Variants in FHIP2A observed in about 807,000 individuals in gnomAD.
FHIP2A encodes the protein FHF complex subunit HOOK interacting protein 2A, also known as family with sequence similarity 160 member B1.
Under a neutral mutation model 93.5 loss-of-function variants are expected in FHIP2A, and 46 were observed. The observed-to-expected ratio is 0.49, with a 90% confidence interval of 0.39 to 0.63. The LOEUF (loss-of-function observed/expected upper bound fraction) is 0.63, where lower values mean the gene tolerates loss of function less well. FHIP2A is among the 20% of genes least tolerant of loss of function. FHIP2A has a pLI of 0.00. For synonymous variants in FHIP2A, 332 were observed against 326.5 expected (o/e 1.02, Z -0.18); for missense variants, 769 against 909.7 (o/e 0.85, Z 1.99).
At position 114,883,673 on chromosome 10, in the gene FHIP2A, C is replaced by T. The variant is rs188421378; in HGVS notation, c.2193-15817C>T. 5.5e-3 allele frequency among the ~76,000 whole-genome samples: 845 copies of T among 152,264 alleles called. 3 individuals carry two copies. Among genetic ancestry groups the T allele is most frequent in the Non-Finnish European group, 9.2e-3 (627 of 68,018 alleles). On this transcript the variant is annotated intron_variant, in intron 16 of 16. Coordinates refer to the FHIP2A transcript ENST00000369250. The stretch of plus-strand genomic sequence containing the variant: ...CTCAGCTCACTGCAACCTCCGCCTC[C>T]CAGGTTCAAACGATTCTCTTGTCTC...
intron 16 of FHIP2A, among the ~76,000 whole-genome samples, chr10:114,884,764 A>T (rs1255242279): frequency 6.6e-6 from 1 of 151,580 alleles, no homozygotes; most frequent in Non-Finnish European, 1.5e-5. Flanking sequence ...AATACAAAAA[A>T]TTAGCTAGGT....
intron 5 of FHIP2A, among the ~76,000 whole-genome samples, chr10:114,840,620 G>A (rs993937970): frequency 6.6e-6 from 1 of 152,206 alleles, no homozygotes; most frequent in Admixed American, 6.5e-5. Context: ...GAAGCAGTGG[G>A]TTGGAATGAA....
chr10:114,873,465 A>G (rs1379881250), intron 16 of FHIP2A, among the ~76,000 whole-genome samples: 4 of 152,096 alleles, frequency 2.6e-5, no homozygotes, highest in African/African-American at 9.7e-5. Context: ...CCATTTCCAT[A>G]CTGTATTCTC....
Position 114,899,489 on chromosome 10 carries a change from G to A in FHIP2A, c.2193-1G>A, listed in dbSNP as rs1020118891. The A allele has an allele frequency of 4.2e-6, 3 of 718,490 alleles. No individual in the cohort carries two copies. The highest frequency in any genetic ancestry group is 5.2e-6 in the Non-Finnish European group (2 of 385,080). 44.5% of individuals were successfully genotyped at this position (718,490 alleles called of 1,614,324 possible). ...CCTGATCTTCTTTCTTTTATCCTCA[G>A]GCAGACGTTGCCTTCATGGTGGTAA... is the stretch of plus-strand genomic sequence containing the variant. On this transcript the variant is annotated splice_acceptor_variant, in intron 16 of 16. Coordinates refer to the FHIP2A transcript ENST00000369250. LOFTEE classifies it high-confidence loss of function.
chr10:114,894,520 G>A (rs1485058707), intron 16 of FHIP2A, among the ~76,000 whole-genome samples: 1 of 152,178 alleles, frequency 6.6e-6, no homozygotes, highest in African/African-American at 2.4e-5. Context: ...AGTGAGCGGT[G>A]ATTGTGCCAC....
At chr10:114,845,562 C>A in intron 8 of FHIP2A, 81 bp downstream of exon 8, 1 of 798,264 alleles carries the variant, frequency 1.3e-6, no homozygotes, top group Non-Finnish European at 2.0e-6. Flanking sequence ...AATTTATATC[C>A]CAAATACATT....
intron 14 of FHIP2A, among the ~76,000 whole-genome samples, chr10:114,857,672 A>G (rs907398241): frequency 9.9e-5 from 15 of 152,086 alleles, no homozygotes; most frequent in Non-Finnish European, 1.8e-4. Flanking sequence ...TTCTTAGTAT[A>G]GATTCCTAAT....
rs1466323051 is a variant in FHIP2A, at chr10:114,860,833, G to A, written c.2032G>A (p.Asp678Asn). The A allele has an allele frequency of 6.2e-7, 1 of 1,613,098 alleles. No homozygotes were observed. The highest frequency in any genetic ancestry group is 1.1e-5 in the South Asian group (1 of 91,046). Residue 678 changes from aspartate (D) to asparagine (N), a missense_variant, in exon 15 of 17, where the codon GAT (aspartate) becomes AAT (asparagine). Physicochemically the swap from Asp to Asn is conservative, Grantham distance 23 (BLOSUM62 1). Transcript: ENST00000369248. ...TCCACACATCCACGAGTACCTTTTGGATCCTTACGTGAACCTCGCTCCTGG... is the reference window on the plus strand; with the variant it reads ...TCCACACATCCACGAGTACCTTTTGAATCCTTACGTGAACCTCGCTCCTGG... Reference protein sequence around the residue: ...PHPHIHEYLLDPYVNLAPGCR... With the variant: ...PHPHIHEYLLNPYVNLAPGCR...
chr10:114,828,372 T>C (rs1267674285), intron 1 of FHIP2A, among the ~76,000 whole-genome samples: 2 of 152,174 alleles, frequency 1.3e-5, no homozygotes, highest in Non-Finnish European at 2.9e-5. Flanking sequence ...ATCCCACTCC[T>C]GAAATAATCT....
chr10:114,875,907 A>G (rs545726494), intron 16 of FHIP2A, among the ~76,000 whole-genome samples: 1 of 101,362 alleles, frequency 9.9e-6, no homozygotes, highest in African/African-American at 3.1e-5. Context: ...AGAAATAAAG[A>G]AAGAGAAAGA....
chr10:114,881,719 A>G (rs937895233), intron 16 of FHIP2A, among the ~76,000 whole-genome samples: 10 of 121,994 alleles, frequency 8.2e-5, no homozygotes, highest in Non-Finnish European at 1.8e-4. Context: ...GAGCCTCAGC[A>G]GGGAGATCTA....
At chr10:114,871,175 G>A (rs144618574) in intron 16 of FHIP2A, among the ~76,000 whole-genome samples, 3,046 of 150,604 alleles carry the variant, frequency 0.02, 50 homozygotes, top group Middle Eastern at 0.049. Context: ...TTTAAACTGC[G>A]TCTCTGTTGC....
intron 16 of FHIP2A, among the ~76,000 whole-genome samples, chr10:114,884,610 C>A (rs1329821593): frequency 6.6e-6 from 1 of 152,126 alleles, no homozygotes; most frequent in African/African-American, 2.4e-5. Flanking sequence ...GATTAACTAC[C>A]TGTATTAAAT....
chr10:114,887,249 A>G (rs937713766), intron 16 of FHIP2A, among the ~76,000 whole-genome samples: 1 of 152,218 alleles, frequency 6.6e-6, no homozygotes, highest in Non-Finnish European at 1.5e-5. Context: ...CTTTTCTAAC[A>G]GTAGACAAGC....
At chr10:114,828,356 A>G (rs1021426066) in intron 1 of FHIP2A, among the ~76,000 whole-genome samples, 1 of 152,230 alleles carries the variant, frequency 6.6e-6, no homozygotes, top group Non-Finnish European at 1.5e-5. Flanking sequence ...CTTGAAATAC[A>G]GTTAAATCCC....
chr10:114,858,573 A>AT (rs1233700562), intron 14 of FHIP2A, among the ~76,000 whole-genome samples: 9 of 149,854 alleles, frequency 6.0e-5, no homozygotes, highest in Non-Finnish European at 1.2e-4. Context: ...TGTATTTTAA[A>AT]TTTTTTCTAC....
At chr10:114,890,098 A>C (rs1018231731) in intron 16 of FHIP2A, among the ~76,000 whole-genome samples, 2 of 151,048 alleles carry the variant, frequency 1.3e-5, no homozygotes, top group African/African-American at 4.9e-5. Context: ...CATGATCTCA[A>C]CTCACTGCAA....
intron 5 of FHIP2A, among the ~76,000 whole-genome samples, chr10:114,841,156 T>C (rs1592017620): frequency 6.6e-6 from 1 of 152,170 alleles, no homozygotes; most frequent in East Asian, 1.9e-4. Flanking sequence ...TTGAGAAACA[T>C]TGATTGAAGG....
chr10:114,849,083 A>C (rs1217068378), intron 13 of FHIP2A, among the ~76,000 whole-genome samples: 1 of 131,004 alleles, frequency 7.6e-6, no homozygotes. Flanking sequence ...TGGAGGTTGC[A>C]GTGAGCCAAG....
Sources: allele counts gnomAD v4.1 joint callset (sites outside exome capture counted in the v4.1 genomes callset), GRCh38; gene constraint gnomAD v4.1.1; transcripts MANE v1.5; gene names NCBI Gene and HGNC (gene_info 2026-07-23, HGNC 2026-07-21).